CORO2B: variants seen among roughly 807,000 people sequenced by gnomAD.
CORO2B encodes the protein coronin 2B.
In CORO2B, 26 loss-of-function variants were observed where a neutral mutation model predicts 58.8. That is an observed-to-expected ratio of 0.44 (90% confidence interval 0.32 to 0.61). The LOEUF is 0.61. CORO2B is among the 20% of genes least tolerant of loss of function. The pLI is 0.04. For synonymous variants in CORO2B, 242 were observed against 253.8 expected (o/e 0.95, Z 0.44); for missense variants, 460 against 645.1 (o/e 0.71, Z 3.11).
the CORO2B span, among the ~76,000 whole-genome samples, chr15:68,555,933 T>C: frequency 6.6e-6 from 1 of 152,290 alleles, no homozygotes. Flanking sequence ...CTCTGTGTGA[T>C]CTGTGAGTCT....
intron 1 of CORO2B, among the ~76,000 whole-genome samples, chr15:68,620,070 C>T (rs1900474236): frequency 6.6e-6 from 1 of 152,092 alleles, no homozygotes; most frequent in African/African-American, 2.4e-5. Context: ...CGCCACAACA[C>T]CTGGCTAATT....
intron 1 of CORO2B, among the ~76,000 whole-genome samples, chr15:68,619,256 CT>C (rs1217497262): frequency 6.6e-6 from 1 of 152,160 alleles, no homozygotes; most frequent in African/African-American, 2.4e-5. Context: ...TTCATTTTGC[CT>C]TGCCTTAGAT....
At chr15:68,551,878 T>A in the CORO2B span, among the ~76,000 whole-genome samples, 1 of 151,366 alleles carries the variant, frequency 6.6e-6, no homozygotes, top group Admixed American at 6.6e-5. Flanking sequence ...GGGTTCTTCA[T>A]GGAAGTGAGG....
chr15:68,535,982 A>G, the CORO2B span, among the ~76,000 whole-genome samples: 1 of 152,154 alleles, frequency 6.6e-6, no homozygotes, highest in Non-Finnish European at 1.5e-5. Context: ...TGTCATTTAT[A>G]ACCTTGTGTG....
intron 2 of CORO2B, among the ~76,000 whole-genome samples, chr15:68,687,187 G>C (rs554856020): frequency 1.9e-4 from 29 of 152,330 alleles, no homozygotes; most frequent in African/African-American, 6.7e-4. Flanking sequence ...CTGGGAATCT[G>C]GGAAGCCCAG....
At chr15:68,692,601 A>G (rs1330983219) in intron 2 of CORO2B, among the ~76,000 whole-genome samples, 1 of 148,642 alleles carries the variant, frequency 6.7e-6, no homozygotes, top group Admixed American at 6.7e-5. Flanking sequence ...AAATAAATAA[A>G]AAAAATTAAC....
intron 2 of CORO2B, among the ~76,000 whole-genome samples, chr15:68,690,655 T>C (rs80255651): frequency 7.0e-5 from 7 of 100,422 alleles, no homozygotes; most frequent in South Asian, 2.6e-4. Context: ...TCTTTTTTTT[T>C]TTTTTTTTTT....
intron 1 of CORO2B, among the ~76,000 whole-genome samples, chr15:68,593,783 C>T (rs1047668554): frequency 1.3e-5 from 2 of 151,852 alleles, no homozygotes; most frequent in African/African-American, 2.4e-5. Context: ...GGGTGTAGGA[C>T]GCATTGCACC....
Position 68,712,560 on chromosome 15 carries a change from G to C in CORO2B, c.648+854G>C, listed in dbSNP as rs144169717. Among the ~76,000 whole-genome samples, 630 of 152,244 alleles carry C rather than the reference G, an allele frequency of 4.1e-3. 20 individuals are homozygous for C. The highest frequency in any genetic ancestry group is 0.036 in the Admixed American group (544 of 15,290). ...TGACATCGGAAACAATCCAAAATCT[G>C]AAACACTTCTGGGCCCAAGCACTTC... On this transcript the variant is annotated intron_variant, in intron 5 of 11. Transcript: ENST00000261861.
intron 1 of CORO2B, among the ~76,000 whole-genome samples, chr15:68,610,474 C>G (rs1024964092): frequency 6.6e-6 from 1 of 152,032 alleles, no homozygotes; most frequent in East Asian, 1.9e-4. Flanking sequence ...CCCCCTTGTT[C>G]CAGGAACAAC....
At chr15:68,619,754 C>CGT (rs146181063) in intron 1 of CORO2B, among the ~76,000 whole-genome samples, 10,167 of 151,282 alleles carry the variant, frequency 0.067, 430 homozygotes, top group African/African-American at 0.12. Context: ...TGCGTGCATG[C>CGT]GTGTGTGTGT....
the CORO2B span, among the ~76,000 whole-genome samples, chr15:68,555,852 C>T: frequency 4.6e-5 from 7 of 152,226 alleles, no homozygotes; most frequent in East Asian, 1.2e-3. Context: ...CAGGAGGGTC[C>T]GTGCTGAGCG....
At chr15:68,576,682 GAGGCTGACCTGCCCA>G (rs780371149), upstream of CORO2B, among the ~76,000 whole-genome samples, 2 of 152,234 alleles carry the variant, frequency 1.3e-5, no homozygotes, top group Non-Finnish European at 2.9e-5. Context: ...CTTCTGGCTA[GAGGCTGACCTGCCCA>G]AGACAGCTGA....
At chr15:68,549,451 A>T in the CORO2B span, among the ~76,000 whole-genome samples, 1 of 151,920 alleles carries the variant, frequency 6.6e-6, no homozygotes, top group South Asian at 2.1e-4. Context: ...TTCTCGTGGT[A>T]CCAAAACCTC....
At chr15:68,597,667 A>G (rs889198649) in intron 1 of CORO2B, among the ~76,000 whole-genome samples, 3 of 152,122 alleles carry the variant, frequency 2.0e-5, no homozygotes, top group African/African-American at 7.2e-5. Flanking sequence ...AAAAAAGACC[A>G]AACGAACAAA....
intron 1 of CORO2B, among the ~76,000 whole-genome samples, chr15:68,639,790 T>C (rs565478599): frequency 1.6e-4 from 24 of 151,706 alleles, no homozygotes; most frequent in Non-Finnish European, 1.6e-4. Flanking sequence ...TCAAAACCAA[T>C]CTTGAAAACC....
At chr15:68,614,276 A>G (rs141265413) in intron 1 of CORO2B, among the ~76,000 whole-genome samples, 1,551 of 152,304 alleles carry the variant, frequency 0.01, 38 homozygotes, top group African/African-American at 0.036. Context: ...TTCTATAGAG[A>G]TAGTTGCAAG....
intron 2 of CORO2B, among the ~76,000 whole-genome samples, chr15:68,671,431 C>T (rs538927975): frequency 1.3e-5 from 2 of 152,312 alleles, no homozygotes; most frequent in South Asian, 4.1e-4. Flanking sequence ...TTTCCCATAT[C>T]AAAATCTGAG....
chr15:68,684,269 A>G (rs150245154), intron 2 of CORO2B, among the ~76,000 whole-genome samples: 70 of 152,312 alleles, frequency 4.6e-4, no homozygotes, highest in African/African-American at 1.6e-3. Flanking sequence ...GCTCCTGTCA[A>G]TATGTACATA....
Sources: allele counts gnomAD v4.1 joint callset (sites outside exome capture counted in the v4.1 genomes callset), GRCh38; gene constraint gnomAD v4.1.1; transcripts MANE v1.5; gene names NCBI Gene and HGNC (gene_info 2026-07-23, HGNC 2026-07-21).